The following TASP1 variants were observed in gnomAD, a reference collection of about 807,000 sequenced individuals.
The protein encoded by TASP1 is threonine aspartase 1.
TASP1 carries 16 observed loss-of-function variants against 56.6 expected under a neutral mutation model. The observed-to-expected ratio is 0.28, with a 90% CI of 0.19 to 0.43. The LOEUF (loss-of-function observed/expected upper bound fraction) is 0.43. TASP1 is among the 20% of genes least tolerant of loss of function. The pLI, the probability that TASP1 is intolerant of heterozygous loss-of-function variation, is 1.00. For synonymous variants in TASP1, 179 were observed against 184.2 expected, an observed-to-expected ratio of 0.97 and a Z score of 0.23; for missense variants, 393 against 511.6, an observed-to-expected ratio of 0.77 and a Z score of 2.24.
intron 4 of TASP1, chr20:13,616,792 T>G (rs1308708098): frequency 7.9e-6 from 2 of 254,718 alleles, no homozygotes; most frequent in African/African-American, 2.3e-5. Flanking sequence ...AAGTTGCCCC[T>G]TAGTACTAAA....
chr20:13,576,389 G>GAAAGAAAGAAAGAAAGAAAGAA (rs2046927324), intron 6 of TASP1, among the ~76,000 whole-genome samples: 1 of 150,048 alleles, frequency 6.7e-6, no homozygotes, highest in South Asian at 2.1e-4. Flanking sequence ...AAGAAAGAAA[G>GAAAGAAAGAAAGAAAGAAAGAA]AAAGAAAGTC....
the TASP1 span, among the ~76,000 whole-genome samples, chr20:13,188,194 C>G: frequency 6.6e-6 from 1 of 152,126 alleles, no homozygotes; most frequent in South Asian, 2.1e-4. Flanking sequence ...ACTGGAAGTC[C>G]TAGCCAGAGC....
the TASP1 span, among the ~76,000 whole-genome samples, chr20:13,381,148 C>T: frequency 3.9e-5 from 6 of 152,202 alleles, no homozygotes; most frequent in Non-Finnish European, 8.8e-5. Flanking sequence ...GCAGCTAGCT[C>T]GGTGTCTGCC....
At chr20:13,578,343 T>C (rs1568605848) in intron 6 of TASP1, among the ~76,000 whole-genome samples, 1 of 152,146 alleles carries the variant, frequency 6.6e-6, no homozygotes, top group African/African-American at 2.4e-5. Context: ...GTTGTCTTTT[T>C]CTTATTGATA....
At chr20:13,378,921 T>G in the TASP1 span, among the ~76,000 whole-genome samples, 1 of 152,224 alleles carries the variant, frequency 6.6e-6, no homozygotes, top group Non-Finnish European at 1.5e-5. Context: ...GCTTTCAGTT[T>G]GCTTGGTAAA....
the TASP1 span, among the ~76,000 whole-genome samples, chr20:13,305,862 T>C: frequency 1.3e-5 from 2 of 152,196 alleles, no homozygotes; most frequent in African/African-American, 2.4e-5. Context: ...TGTGTAGAGA[T>C]TTAAAAAACC....
At chr20:13,578,294 A>T (rs1389089858) in intron 6 of TASP1, among the ~76,000 whole-genome samples, 4 of 151,590 alleles carry the variant, frequency 2.6e-5, no homozygotes, top group Admixed American at 2.0e-4. Context: ...TTTCCCATAA[A>T]TTGCCTATTT....
chr20:13,150,455 T>C, the TASP1 span, among the ~76,000 whole-genome samples: 3 of 152,330 alleles, frequency 2.0e-5, no homozygotes, highest in East Asian at 3.9e-4. Flanking sequence ...GAAAGGAATA[T>C]GAACTAAGAA....
chr20:13,507,231 C>T (rs1446147414), intron 10 of TASP1, among the ~76,000 whole-genome samples: 2 of 152,026 alleles, frequency 1.3e-5, no homozygotes, highest in African/African-American at 2.4e-5. Context: ...GACCTGTACA[C>T]TCAAAACTAT....
chr20:13,553,244 C>T (rs1196689149), intron 8 of TASP1, among the ~76,000 whole-genome samples: 2 of 152,116 alleles, frequency 1.3e-5, no homozygotes, highest in Non-Finnish European at 2.9e-5. Flanking sequence ...TGTACTCCAC[C>T]AAGAGTTTTT....
chr20:13,516,114 C>G (rs1267958516), intron 10 of TASP1, among the ~76,000 whole-genome samples: 1 of 152,100 alleles, frequency 6.6e-6, no homozygotes, highest in Non-Finnish European at 1.5e-5. Flanking sequence ...AAGTAAATTT[C>G]CTGAGCTGAA....
chr20:13,270,470 C>G, the TASP1 span: 1 of 1,583,658 alleles, frequency 6.3e-7, no homozygotes, highest in Non-Finnish European at 8.6e-7. Context: ...TCATGTGTCT[C>G]CTTAACAGGT....
the TASP1 span, among the ~76,000 whole-genome samples, chr20:13,313,672 A>G: frequency 5.9e-5 from 9 of 152,202 alleles, no homozygotes; most frequent in African/African-American, 2.2e-4. Context: ...CCACATCACT[A>G]AAGTCCTATT....
At chr20:13,149,485 A>G in the TASP1 span, among the ~76,000 whole-genome samples, 1 of 152,230 alleles carries the variant, frequency 6.6e-6, no homozygotes, top group African/African-American at 2.4e-5. Context: ...GCCTTCCAAG[A>G]GTATGAGAAT....
At chr20:13,234,475 T>A in the TASP1 span, among the ~76,000 whole-genome samples, 1 of 152,018 alleles carries the variant, frequency 6.6e-6, no homozygotes, top group Non-Finnish European at 1.5e-5. Context: ...TACTCAGGAG[T>A]GGGATTGCTG....
intron 7 of TASP1, among the ~76,000 whole-genome samples, chr20:13,569,200 C>G (rs1322667338): frequency 6.6e-6 from 1 of 151,992 alleles, no homozygotes; most frequent in Non-Finnish European, 1.5e-5. Context: ...CTCTCTCTCT[C>G]TCTCCATCTC....
At chr20:13,256,169 G>T in the TASP1 span, among the ~76,000 whole-genome samples, 1 of 152,056 alleles carries the variant, frequency 6.6e-6, no homozygotes, top group South Asian at 2.1e-4. Flanking sequence ...GCTGAGGTGG[G>T]CAGATCACCT....
intron 11 of TASP1, among the ~76,000 whole-genome samples, chr20:13,455,211 G>A (rs945942399): frequency 6.6e-6 from 1 of 152,082 alleles, no homozygotes; most frequent in African/African-American, 2.4e-5. Context: ...TGGCTAATAA[G>A]ATAGCAAGGG....
intron 11 of TASP1, among the ~76,000 whole-genome samples, chr20:13,451,069 A>G (rs2043599362): frequency 6.6e-6 from 1 of 152,106 alleles, no homozygotes; most frequent in Non-Finnish European, 1.5e-5. Context: ...GTGCATTGTC[A>G]TAGAACAAAA....
Sources: allele counts gnomAD v4.1 joint callset (sites outside exome capture counted in the v4.1 genomes callset), GRCh38; gene constraint gnomAD v4.1.1; transcripts MANE v1.5; gene names NCBI Gene and HGNC (gene_info 2026-07-23, HGNC 2026-07-21).